TUSC3: variants seen among roughly 807,000 people sequenced by gnomAD.
TUSC3 encodes the protein tumor suppressor candidate 3, also known as dolichyl-diphosphooligosaccharide--protein glycosyltransferase subunit TUSC3.
In TUSC3, 45 loss-of-function variants were observed where a neutral mutation model predicts 44.8. That is an observed-to-expected ratio of 1.00 (90% CI 0.79 to 1.29). TUSC3 has a LOEUF of 1.29. TUSC3 is among the 50% of genes most tolerant of loss of function. The pLI, the probability that TUSC3 is intolerant of heterozygous loss-of-function variation, is 0.00. For synonymous variants in TUSC3, 212 were observed against 152.9 expected, an observed-to-expected ratio of 1.39 and a Z score of -2.85; for missense variants, 519 against 437.9, an observed-to-expected ratio of 1.19 and a Z score of -1.65.
At chr8:15,753,969 TAAAG>T (rs772596949) in intron 9 of TUSC3, among the ~76,000 whole-genome samples, 2 of 152,170 alleles carry the variant, frequency 1.3e-5, no homozygotes, top group African/African-American at 2.4e-5. Flanking sequence ...GAGATACTGA[TAAAG>T]AAGAGAAAGA....
rs3070896 is a variant in TUSC3 at position 15,570,265 on chromosome 8, TACACACACACAC to T, written c.138+29724_138+29735del. Among the ~76,000 whole-genome samples, 437 of 148,170 alleles carry T rather than the reference TACACACACACAC, an allele frequency of 2.9e-3. 5 individuals carry two copies. Among genetic ancestry groups the T allele is most frequent in the African/African-American group, 8.1e-3 (326 of 40,374 alleles). ...AGCAACCTTGTTTTATAATGTATTTTACACACACACACACACACACACACACACACACACACA... is the reference window on the plus strand; with the variant it reads ...AGCAACCTTGTTTTATAATGTATTTTACACACACACACACACACACACACA... On this transcript the variant is annotated intron_variant, in intron 1 of 10. Coordinates refer to ENST00000503731, the MANE Select transcript of TUSC3 (RefSeq NM_006765.4).
At position 15,435,971 on chromosome 8, in the gene TUSC3, G is replaced by A. The variant is rs531638018; in HGVS notation, n.91+18666G>A. ...CTTTGTCTGGGGAGTCTTTTCTGAA[G>A]CAGAATCTCTGATGCCATCACAGAC... is the stretch of plus-strand genomic sequence containing the variant. On this transcript the variant is annotated intron_variant and non_coding_transcript_variant, in intron 1 of 5. Coordinates refer to the TUSC3 transcript ENST00000503191. Among the ~76,000 whole-genome samples the A allele has an allele frequency of 4.9e-4, 75 of 152,272 alleles. 1 individual carries two copies. Among genetic ancestry groups the A allele is most frequent in the African/African-American group, 1.7e-3 (70 of 41,552 alleles).
At chr8:15,746,828 T>C (rs992433522) in intron 8 of TUSC3, among the ~76,000 whole-genome samples, 5 of 152,162 alleles carry the variant, frequency 3.3e-5, no homozygotes, top group South Asian at 4.1e-4. Flanking sequence ...AATTTTGTAA[T>C]TAATTATAGG....
intron 1 of TUSC3, among the ~76,000 whole-genome samples, chr8:15,622,060 C>A (rs984446311): frequency 6.6e-6 from 1 of 152,084 alleles, no homozygotes; most frequent in Non-Finnish European, 1.5e-5. Context: ...GCCACTTTTC[C>A]TTTTTCACCT....
intron 7 of TUSC3, among the ~76,000 whole-genome samples, chr8:15,741,149 A>AT (rs376207618): frequency 2.4e-4 from 1 of 4,142 alleles, no homozygotes; most frequent in Non-Finnish European, 1.2e-3. Context: ...AACCGATAAC[A>AT]TGTTTGTGTA....
At chr8:15,655,471 G>C (rs1482615398) in intron 3 of TUSC3, among the ~76,000 whole-genome samples, 5 of 152,230 alleles carry the variant, frequency 3.3e-5, no homozygotes, top group Non-Finnish European at 7.3e-5. Context: ...GAAAAATCAA[G>C]GGGGAAGAGA....
In TUSC3 at chr8:15,716,353, A is replaced by G. The variant is rs188057034; in HGVS notation, c.799-14313A>G. The stretch of plus-strand genomic sequence containing the variant: ...TAAGGACAAATCTGAGGGATTTCGT[A>G]TGAATTAACCAGCTTAAAAAAAAAA... On this transcript the variant is annotated intron_variant, in intron 6 of 10. Transcript: ENST00000503731. Among the ~76,000 whole-genome samples, 636 of 152,280 alleles carry G rather than the reference A, an allele frequency of 4.2e-3. 5 individuals carry two copies. The highest frequency in any genetic ancestry group is 0.014 in the African/African-American group (602 of 41,562).
intron 1 of TUSC3, among the ~76,000 whole-genome samples, chr8:15,458,334 G>A (rs1800289776): frequency 2.0e-5 from 3 of 152,036 alleles, no homozygotes; most frequent in African/African-American, 7.2e-5. Flanking sequence ...GACCTCTCAG[G>A]CTCAAACAAT....
chr8:15,693,651 A>C (rs1053930229), intron 6 of TUSC3, among the ~76,000 whole-genome samples: 6 of 151,630 alleles, frequency 4.0e-5, no homozygotes, highest in Non-Finnish European at 8.8e-5. Context: ...ATAGCATTTC[A>C]CAGGGGTTCT....
At chr8:15,527,800 A>G (rs941590527) in intron 2 of TUSC3, among the ~76,000 whole-genome samples, 5 of 152,208 alleles carry the variant, frequency 3.3e-5, no homozygotes, top group African/African-American at 4.8e-5. Context: ...AATAGACAAA[A>G]TAAGCTCTTC....
At chr8:15,540,207 C>T (rs892082499), upstream of TUSC3, 2 of 575,944 alleles carry the variant, frequency 3.5e-6, no homozygotes, top group Non-Finnish European at 5.4e-6. Context: ...ACGCCCACTT[C>T]CTGCCCCCAT....
At chr8:15,439,706 C>A (rs1049947004) in intron 1 of TUSC3, among the ~76,000 whole-genome samples, 6 of 152,110 alleles carry the variant, frequency 3.9e-5, no homozygotes, top group African/African-American at 1.4e-4. Context: ...CAGAGTAGTT[C>A]TTTTTTATTT....
chr8:15,554,770 T>C (rs1411624277), intron 1 of TUSC3, among the ~76,000 whole-genome samples: 2 of 148,808 alleles, frequency 1.3e-5, no homozygotes, highest in African/African-American at 4.9e-5. Flanking sequence ...CCCGGCTAAT[T>C]TTTTTTTTGT....
chr8:15,529,794 T>TACACTCCTGTATTACATCA (rs1290529455), intron 2 of TUSC3, among the ~76,000 whole-genome samples: 1 of 141,044 alleles, frequency 7.1e-6, no homozygotes, highest in South Asian at 2.3e-4. Context: ...AAAAGTTTTT[T>TACACTCCTGTATTACATCA]TTTTTTTTTT....
At chr8:15,477,595 G>T (rs2129123924) in intron 1 of TUSC3, among the ~76,000 whole-genome samples, 1 of 152,176 alleles carries the variant, frequency 6.6e-6, no homozygotes, top group East Asian at 1.9e-4. Flanking sequence ...GGTGGCGGGT[G>T]GCTGTAGTCC....
chr8:15,750,049 G>A (rs1047374782), intron 9 of TUSC3, among the ~76,000 whole-genome samples: 4 of 148,074 alleles, frequency 2.7e-5, no homozygotes, highest in East Asian at 2.0e-4. Flanking sequence ...GCTTGATCTC[G>A]GCTCACTGCA....
the TUSC3 span, among the ~76,000 whole-genome samples, chr8:15,778,856 G>A: frequency 6.6e-6 from 1 of 152,240 alleles, no homozygotes; most frequent in East Asian, 1.9e-4. Context: ...ATTCAGACTT[G>A]AGTTAGATAC....
intron 2 of TUSC3, among the ~76,000 whole-genome samples, chr8:15,625,905 C>G (rs1805485861): frequency 6.6e-6 from 1 of 152,158 alleles, no homozygotes; most frequent in Admixed American, 6.5e-5. Context: ...ATTTGAGGAC[C>G]AGTACTTGAG....
At chr8:15,456,053 T>G (rs1800253241) in intron 1 of TUSC3, among the ~76,000 whole-genome samples, 1 of 152,142 alleles carries the variant, frequency 6.6e-6, no homozygotes, top group Non-Finnish European at 1.5e-5. Flanking sequence ...TAATTCAATG[T>G]GTAGGAGGAT....
Sources: gnomAD v4.1 joint callset for allele counts (sites outside exome capture counted in the v4.1 genomes callset) on GRCh38, gnomAD v4.1.1 for gene constraint, MANE v1.5 for transcripts, NCBI Gene and HGNC (gene_info 2026-07-23, HGNC 2026-07-21) for gene names.